BICDL2: variants seen among roughly 807,000 people sequenced by gnomAD.
BICDL2 encodes BICD family like cargo adaptor 2, also known as BICD family-like cargo adapter 2.
BICDL2 carries 62 observed loss-of-function variants against 56.6 expected under a neutral mutation model. The ratio of observed to expected loss-of-function variants is 1.10; its 90% CI spans 0.89 to 1.35. The LOEUF is 1.35. Ranked by LOEUF, BICDL2 falls within the 40% of genes most tolerant of loss-of-function variation. The pLI, the probability that BICDL2 is intolerant of heterozygous loss-of-function variation, is 0.00. For missense variants in BICDL2, 808 were observed against 684.5 expected (o/e 1.18, Z -2.01); for synonymous variants, 358 against 319.8 (o/e 1.12, Z -1.27).
intron 1 of BICDL2, 97 bp from the exon 2 acceptor site, chr16:3,035,623 C>T (rs1955724255): frequency 1.7e-6 from 2 of 1,159,196 alleles, no homozygotes; most frequent in Admixed American, 2.7e-5. Flanking sequence ...CCTGCCCGGT[C>T]CTGCAGCCAG....
intron 7 of BICDL2, 21 bp downstream of exon 7, chr16:3,029,259 G>A: frequency 6.2e-7 from 1 of 1,605,396 alleles, no homozygotes; most frequent in Non-Finnish European, 8.5e-7. Context: ...CGTGCATCCA[G>A]CACCGTGCCC....
chr16:3,031,025 G>C lies in BICDL2; in HGVS notation c.408C>G (p.Arg136=), dbSNP rs1482367031. 6 of 1,548,138 alleles carry C rather than the reference G, an allele frequency of 3.9e-6. No homozygotes were observed. The South Asian group carries it at 7.1e-5, about 18-fold the overall frequency. Residue 136 remains arginine (R), a synonymous_variant, in exon 3 of 10, where the codon CGC becomes CGG. Transcript: ENST00000572449. ...CTCGCCCACTGTCCTGCTGCTCTGA[G>C]CGCTGCTCCCCAAGCTGGGCCCGCA... The part of the protein sequence containing the change: ...EALRAQLGEQ[R]SEQQDSGRER...
intron 4 of BICDL2, 37 bp from the exon 5 acceptor site, chr16:3,030,632 C>A (rs1201367970): frequency 6.9e-6 from 11 of 1,592,536 alleles, no homozygotes; most frequent in Non-Finnish European, 9.4e-6. Flanking sequence ...CAGGGGCAGC[C>A]CCTCCCAGCC....
In BICDL2 at chr16:3,028,341, C is replaced by T. The variant is rs1280735831; in HGVS notation, c.1359+7G>A. ...GCCCCGCCCCGCACACGGGCCCCGC[C>T]CCTCACCTGCCAGGCCTCCAGCTCC... is the stretch of plus-strand genomic sequence containing the variant. On this transcript the variant is annotated splice_region_variant and intron_variant, in intron 9 of 9. Transcript: ENST00000572449. The T allele has an allele frequency of 6.5e-7, 1 of 1,550,082 alleles. No individual in the cohort carries two copies.
intron 4 of BICDL2, 22 bp downstream of exon 4, chr16:3,030,674 C>T (rs746742889): frequency 5.5e-5 from 88 of 1,602,880 alleles, no homozygotes; most frequent in Non-Finnish European, 7.3e-5. Context: ...CAGATAATCC[C>T]CCAGCCCCAG....
At chr16:3,034,575 C>G (rs993487537) in intron 2 of BICDL2, among the ~76,000 whole-genome samples, 2 of 152,114 alleles carry the variant, frequency 1.3e-5, no homozygotes, top group African/African-American at 4.8e-5. Context: ...AGCCACCATG[C>G]CTGGCCTGAA....
At position 3,027,900 on chromosome 16, in the gene BICDL2, C is replaced by T. The variant is rs563259574; in HGVS notation, c.*206G>A. The T allele has an allele frequency of 1.5e-5, 13 of 846,382 alleles. No homozygotes were observed. Among genetic ancestry groups the T allele is most frequent in the Admixed American group, 7.2e-5 (2 of 27,886 alleles). The allele number at this position is 846,382 out of a possible 1,614,324, so 52.4% of individuals were successfully genotyped here. ...TTCGGAAAATAGCTCTGTTCACCTG[C>T]CCCTGCCACCCACCTGGAGCTCCTG... On this transcript the variant is annotated 3_prime_UTR_variant, in exon 10 of 10. Coordinates refer to ENST00000572449, the MANE Select transcript of BICDL2 (RefSeq NM_001369667.1).
chr16:3,035,264 A>G lies in BICDL2; in HGVS notation c.233T>C (p.Leu78Pro). Residue 78 changes from leucine (L) to proline (P), a missense_variant, in exon 2 of 10, where the codon CTG (leucine) becomes CCG (proline). Transcript: ENST00000572449. ...GCTCAGCGTCTCCAGCTGCCGCCGC[A>G]GCTCTTCATTTCGCTCCAGAAGCAT... ...GKMLLERNEE[L>P]RRQLETLSAQ... is the part of the protein sequence containing the mutation. The G allele has an allele frequency of 6.5e-7, 1 of 1,538,688 alleles. No individual in the cohort carries two copies. Among genetic ancestry groups the G allele is most frequent in the Non-Finnish European group, 8.8e-7 (1 of 1,140,442 alleles).
intron 5 of BICDL2, 151 bp downstream of exon 5, chr16:3,030,298 T>C: frequency 1.0e-6 from 1 of 953,470 alleles, no homozygotes; most frequent in South Asian, 1.7e-5. Context: ...CAGCCTTCCG[T>C]GGCTCCCATT....
chr16:3,035,305 G>A lies in BICDL2; in HGVS notation c.192C>T (p.Ala64=), dbSNP rs759571772. The change falls in exon 2 of 10, where the codon GCC becomes GCT. Residue 64 remains alanine (A), a synonymous_variant. Transcript: ENST00000572449. Reference sequence around the variant, plus strand: ...CCAGAAGCATCTTGCCGAGCTCCGCGGCCAACAGCAGGTCTTTCTCCTTCT... The same window carrying A: ...CCAGAAGCATCTTGCCGAGCTCCGCAGCCAACAGCAGGTCTTTCTCCTTCT... ...LQQKEKDLLL[A]AELGKMLLER... 8 of 1,567,936 alleles carry A rather than the reference G, an allele frequency of 5.1e-6. No homozygotes were observed. Among genetic ancestry groups the A allele is most frequent in the Admixed American group, 3.8e-5 (2 of 53,014 alleles).
chr16:3,034,973 G>C, intron 2 of BICDL2: 1 of 518,992 alleles, frequency 1.9e-6, no homozygotes, highest in Admixed American at 3.3e-5. Flanking sequence ...GCCTCCCAAA[G>C]TGCTGGGATT....
Position 3,028,008 on chromosome 16 carries a change from A to T in BICDL2, c.*98T>A. 1 of 1,361,868 alleles carries T rather than the reference A, an allele frequency of 7.3e-7. No homozygotes were observed. Among genetic ancestry groups the T allele is most frequent in the Non-Finnish European group, 9.5e-7 (1 of 1,054,894 alleles). 84.4% of individuals were successfully genotyped at this position (1,361,868 alleles called of 1,614,324 possible). ...AGCATCCTGGGGCGGGGAGGGCATC[A>T]GCTTCTTTTGGAAGACAATCTGGGC... On this transcript the variant is annotated 3_prime_UTR_variant, in exon 10 of 10. Coordinates refer to ENST00000572449, the MANE Select transcript of BICDL2 (RefSeq NM_001369667.1).
Position 3,027,860 on chromosome 16 carries a change from A to C in BICDL2, c.*246T>G. ...CAGCCCCATCCCTGCCCTAGAAAAG[A>C]TAGACGTATATTAATTCGGAAAATA... On this transcript the variant is annotated 3_prime_UTR_variant, in exon 10 of 10. Coordinates refer to ENST00000572449, the MANE Select transcript of BICDL2 (RefSeq NM_001369667.1). The C allele has an allele frequency of 1.2e-6, 1 of 817,738 alleles. No individual in the cohort carries two copies. Among genetic ancestry groups the C allele is most frequent in the Non-Finnish European group, 1.8e-6 (1 of 549,980 alleles). 50.7% of individuals were successfully genotyped at this position (817,738 alleles called of 1,614,324 possible).
chr16:3,028,512 C>T, intron 8 of BICDL2, 44 bp from the exon 9 acceptor site: 5 of 1,561,840 alleles, frequency 3.2e-6, no homozygotes, highest in Non-Finnish European at 4.3e-6. Flanking sequence ...GCGCTAGGGC[C>T]TCAGGGAGCC....
intron 2 of BICDL2, chr16:3,032,936 G>A (rs1188516796): frequency 1.3e-5 from 2 of 152,172 alleles, no homozygotes; most frequent in African/African-American, 4.8e-5. Flanking sequence ...TTCTGGTTGA[G>A]GAGTGAAATG....
intron 1 of BICDL2, 37 bp downstream of exon 1, chr16:3,036,857 C>T (rs979077019): frequency 2.3e-5 from 7 of 298,092 alleles, no homozygotes; most frequent in East Asian, 1.5e-4. Context: ...TCCCCAGGCT[C>T]GAGGGGCCCG....
chr16:3,028,185 C>G lies in BICDL2; in HGVS notation c.1448G>C (p.Arg483Pro). The change falls in exon 10 of 10, where the codon CGT (arginine) becomes CCT (proline). Residue 483 changes from arginine to proline, a missense_variant. By Grantham distance (103) the Arg-to-Pro change is moderately radical. Transcript: ENST00000572449. ...GCGCAGCGAGAAGCGGGGCGCGGCA[C>G]GGCGCGGGGTCGACGACGACGCGGA... ...SASASSSTPR[R>P]AAPRFSLRLG... 4.1e-6 allele frequency: 6 copies of G among 1,454,858 alleles called. No individual in the cohort carries two copies. The highest frequency in any genetic ancestry group is 5.4e-6 in the Non-Finnish European group (6 of 1,113,998). 90.1% of individuals were successfully genotyped at this position (1,454,858 alleles called of 1,614,324 possible). A position where few individuals can be genotyped will look rare whatever the true frequency, so the allele number is the denominator to read the frequency against.
In BICDL2 at chr16:3,028,161, C is replaced by G; in HGVS notation, c.1472G>C (p.Arg491Pro). The G allele has an allele frequency of 6.9e-7, 1 of 1,446,610 alleles. No individual in the cohort carries two copies. Among genetic ancestry groups the G allele is most frequent in the Non-Finnish European group, 9.0e-7 (1 of 1,107,908 alleles). The allele number at this position is 1,446,610 out of a possible 1,614,324, so 89.6% of individuals were successfully genotyped here. Residue 491 changes from arginine to proline, a missense_variant, in exon 10 of 10, where the codon CGC (arginine) becomes CCC (proline). Transcript: ENST00000572449. ...GCCACCGGCGGGCCCGGGGCCCAGG[C>G]GCAGCGAGAAGCGGGGCGCGGCACG... The part of the protein sequence containing the change: ...PRRAAPRFSL[R>P]LGPGPAGGFL...
rs771458700 is a variant in BICDL2, at chr16:3,028,270, C to G, written c.1363G>C (p.Asp455His). The G allele has an allele frequency of 4.0e-6, 6 of 1,489,662 alleles. No individual in the cohort carries two copies. Among genetic ancestry groups the G allele is most frequent in the Middle Eastern group, 1.8e-4 (1 of 5,448 alleles). The allele number at this position is 1,489,662 out of a possible 1,614,324, so 92.3% of individuals were successfully genotyped here. A position where few individuals can be genotyped will look rare whatever the true frequency, so the allele number is the denominator to read the frequency against. ...LTQELEAWQD[D>H]MQVVIGQQLR... is the part of the protein sequence containing the mutation. ...TGCTGCCCGATCACCACCTGCATGT[C>G]GTCCTGCGGGAGGCCGTGGTCGGCT... The change falls in exon 10 of 10, where the codon GAC (aspartate) becomes CAC (histidine). Residue 455 changes from aspartate (D) to histidine (H), a missense_variant. By Grantham distance (81) the Asp-to-His change is moderately conservative. Transcript: ENST00000572449.
Sources: gnomAD v4.1 joint callset for allele counts (sites outside exome capture counted in the v4.1 genomes callset) on GRCh38, gnomAD v4.1.1 for gene constraint, MANE v1.5 for transcripts, NCBI Gene and HGNC (gene_info 2026-07-23, HGNC 2026-07-21) for gene names.